MBNL1: variants seen among roughly 807,000 people sequenced by gnomAD.
MBNL1 encodes the protein muscleblind-like protein 1.
MBNL1 carries 8 observed loss-of-function variants against 42.2 expected under a neutral mutation model. The ratio of observed to expected loss-of-function variants is 0.19; its 90% CI spans 0.11 to 0.34. MBNL1 has a LOEUF of 0.34. MBNL1 is among the 10% of genes least tolerant of loss of function. MBNL1 has a pLI of 1.00. For synonymous variants in MBNL1, 169 were observed against 173.9 expected, an observed-to-expected ratio of 0.97 and a Z score of 0.22; for missense variants, 309 against 495.3, an observed-to-expected ratio of 0.62 and a Z score of 3.57.
chr3:152,456,536 A>G (rs1326674473), intron 8 of MBNL1, among the ~76,000 whole-genome samples, 175 bp downstream of exon 8: 2 of 152,162 alleles, frequency 1.3e-5, no homozygotes, highest in Non-Finnish European at 2.9e-5. Flanking sequence ...TGGCCTACAC[A>G]TTCTCTCTAT....
rs750711171 is a variant in MBNL1 at position 152,455,574 on chromosome 3, G to A, written c.994G>A (p.Val332Ile). ...SILCMTPATS[V>I]VPMVHGATPA... is the part of the protein sequence containing the mutation. ...ATTGTGCATGACACCCGCTACAAGTGTTGGTAGGTGCCAGCTTTGTTTCTT... is the reference window on the plus strand; with the variant it reads ...ATTGTGCATGACACCCGCTACAAGTATTGGTAGGTGCCAGCTTTGTTTCTT... Residue 332 changes from valine (V) to isoleucine (I), a missense_variant, in exon 7 of 10, where the codon GTT (valine) becomes ATT (isoleucine). Val to Ile is a conservative substitution (Grantham distance 29). Transcript: ENST00000324210. The A allele has an allele frequency of 6.2e-7, 1 of 1,613,450 alleles. No individual in the cohort carries two copies. The highest frequency in any genetic ancestry group is 1.1e-5 in the South Asian group (1 of 91,036).
At chr3:152,344,786 A>G (rs762064132) in intron 2 of MBNL1, among the ~76,000 whole-genome samples, 6 of 152,070 alleles carry the variant, frequency 3.9e-5, no homozygotes, top group Non-Finnish European at 8.8e-5. Flanking sequence ...TATAGAGTCC[A>G]TTTGTGCTAT....
intron 1 of MBNL1, among the ~76,000 whole-genome samples, chr3:152,280,777 A>C (rs573892759): frequency 2.2e-4 from 33 of 152,276 alleles, no homozygotes; most frequent in Non-Finnish European, 1.5e-4. Context: ...GCAACTGTGC[A>C]TATTCTTCTA....
At chr3:152,405,541 T>C (rs2098406910) in intron 2 of MBNL1, among the ~76,000 whole-genome samples, 1 of 152,166 alleles carries the variant, frequency 6.6e-6, no homozygotes, top group South Asian at 2.1e-4. Flanking sequence ...TTGGAGCATT[T>C]TTGCTTTGTA....
intron 1 of MBNL1, among the ~76,000 whole-genome samples, chr3:152,286,332 A>G (rs2051770624): frequency 1.4e-5 from 2 of 143,688 alleles, no homozygotes; most frequent in South Asian, 4.3e-4. Flanking sequence ...ATATTTAATT[A>G]TATTTTATTT....
chr3:152,267,678 G>C (rs961326493), upstream of MBNL1: 5 of 152,158 alleles, frequency 3.3e-5, no homozygotes, highest in African/African-American at 1.2e-4. Context: ...TAATTAATTT[G>C]TTCTGGAAGG....
chr3:152,338,333 C>T, intron 2 of MBNL1: 3 of 985,358 alleles, frequency 3.0e-6, no homozygotes, highest in Non-Finnish European at 3.6e-6. Flanking sequence ...CTTCCTTAGC[C>T]CTGTCCATTG....
At chr3:152,333,107 AAATT>A (rs2086490558) in intron 2 of MBNL1, among the ~76,000 whole-genome samples, 1 of 152,164 alleles carries the variant, frequency 6.6e-6, no homozygotes, top group Non-Finnish European at 1.5e-5. Context: ...GCATGTAACT[AAATT>A]AATTTGCCAA....
intron 2 of MBNL1, among the ~76,000 whole-genome samples, chr3:152,369,043 C>T (rs897962719): frequency 6.6e-5 from 10 of 152,176 alleles, no homozygotes; most frequent in Non-Finnish European, 7.3e-5. Flanking sequence ...ACCTCCAATG[C>T]GATGCTGAAT....
chr3:152,245,768 T>C (rs2032810545), intron 2 of MBNL1, among the ~76,000 whole-genome samples: 1 of 152,194 alleles, frequency 6.6e-6, no homozygotes, highest in Non-Finnish European at 1.5e-5. Context: ...CTTCTTATTA[T>C]AGGGAGAAGG....
intron 2 of MBNL1, among the ~76,000 whole-genome samples, chr3:152,371,058 T>C (rs1353025458): frequency 6.6e-6 from 1 of 152,210 alleles, no homozygotes; most frequent in Non-Finnish European, 1.5e-5. Context: ...AGCTGGTTAT[T>C]TTGCCCGTTA....
intron 3 of MBNL1, among the ~76,000 whole-genome samples, chr3:152,416,511 A>G (rs2098704614): frequency 6.6e-6 from 1 of 152,240 alleles, no homozygotes; most frequent in African/African-American, 2.4e-5. Context: ...TCTCACATAC[A>G]GTTTCAAAGA....
At chr3:152,324,075 A>G (rs938276277) in intron 2 of MBNL1, among the ~76,000 whole-genome samples, 5 of 152,178 alleles carry the variant, frequency 3.3e-5, no homozygotes, top group African/African-American at 1.2e-4. Context: ...CTAGTTGGAA[A>G]TAAATCCTCT....
intron 2 of MBNL1, chr3:152,335,066 G>C: frequency 8.0e-7 from 1 of 1,249,470 alleles, no homozygotes; most frequent in South Asian, 1.4e-5. Flanking sequence ...TTGCTGGGAA[G>C]GAAAAGTGGC....
intron 2 of MBNL1, among the ~76,000 whole-genome samples, chr3:152,333,914 A>G (rs921045240): frequency 6.6e-6 from 1 of 152,234 alleles, no homozygotes; most frequent in East Asian, 1.9e-4. Context: ...TCTTCATTCA[A>G]ATCACTGTGA....
intron 2 of MBNL1, among the ~76,000 whole-genome samples, chr3:152,304,835 T>G (rs2062250390): frequency 6.6e-6 from 1 of 152,240 alleles, no homozygotes; most frequent in South Asian, 2.1e-4. Context: ...GTGAAACTAG[T>G]AATTGTATTC....
At chr3:152,394,109 A>G (rs923757115) in intron 2 of MBNL1, among the ~76,000 whole-genome samples, 1 of 152,210 alleles carries the variant, frequency 6.6e-6, no homozygotes, top group Non-Finnish European at 1.5e-5. Flanking sequence ...TTTCTTCACA[A>G]TTTCATCCAA....
At chr3:152,291,360 T>C (rs1422235559) in intron 1 of MBNL1, among the ~76,000 whole-genome samples, 2 of 152,182 alleles carry the variant, frequency 1.3e-5, no homozygotes, top group Admixed American at 6.5e-5. Context: ...GCTCAAAATA[T>C]CTTTCTTCAA....
At chr3:152,339,031 C>T (rs1047118075) in intron 2 of MBNL1, among the ~76,000 whole-genome samples, 25 of 151,624 alleles carry the variant, frequency 1.6e-4, no homozygotes, top group African/African-American at 5.6e-4. Context: ...TTTCAAATAC[C>T]GATGTTTTAT....
Sources: gnomAD v4.1 joint callset for allele counts (sites outside exome capture counted in the v4.1 genomes callset) on GRCh38, gnomAD v4.1.1 for gene constraint, MANE v1.5 for transcripts, NCBI Gene and HGNC (gene_info 2026-07-23, HGNC 2026-07-21) for gene names.